Variants in FIGN observed in about 807,000 individuals in gnomAD.
FIGN encodes the protein fidgetin.
In FIGN, 11 loss-of-function variants were observed where a neutral mutation model predicts 51.3. The ratio of observed to expected loss-of-function variants is 0.21; its 90% CI spans 0.13 to 0.35. The LOEUF is 0.35. Among genes scored for constraint, FIGN ranks in the 10% least tolerant of loss-of-function variants. FIGN has a pLI of 1.00. For missense variants in FIGN, 857 were observed against 943.6 expected (o/e 0.91, Z 1.20); for synonymous variants, 407 against 363.2 (o/e 1.12, Z -1.37).
In FIGN at chr2:163,604,831, G is replaced by A. The variant is rs1691051576; in HGVS notation, c.*4721C>T. ...GAGAGAGAGAGAGAGAGAGAAGAGA[G>A]AGGAAGAGGAGAGGAGAGGGATGGA... On this transcript the variant is annotated 3_prime_UTR_variant, in exon 3 of 3. Coordinates refer to ENST00000333129, the MANE Select transcript of FIGN (RefSeq NM_018086.4). 2.0e-5 allele frequency: 3 copies of A among 150,316 alleles called. No individual in the cohort carries two copies. The highest frequency in any genetic ancestry group is 7.3e-5 in the African/African-American group (3 of 41,072). 9.3% of individuals were successfully genotyped at this position (150,316 alleles called of 1,614,324 possible).
chr2:163,635,268 G>A (rs1165596335), intron 2 of FIGN, among the ~76,000 whole-genome samples: 1 of 152,094 alleles, frequency 6.6e-6, no homozygotes, highest in Non-Finnish European at 1.5e-5. Context: ...TAAATATTAT[G>A]TTTAAAAGTC....
At chr2:163,644,502 C>G (rs1350784820) in intron 2 of FIGN, among the ~76,000 whole-genome samples, 1 of 152,142 alleles carries the variant, frequency 6.6e-6, no homozygotes, top group Admixed American at 6.5e-5. Flanking sequence ...AGTGCGGCTA[C>G]TTTGGTAAAC....
intron 2 of FIGN, among the ~76,000 whole-genome samples, chr2:163,732,351 A>AAGCTAAT (rs1173131969): frequency 3.9e-5 from 6 of 152,206 alleles, no homozygotes; most frequent in Non-Finnish European, 8.8e-5. Flanking sequence ...TTCCAAATAA[A>AAGCTAAT]AGCTAATTTG....
At chr2:163,647,346 G>T (rs931972283) in intron 2 of FIGN, among the ~76,000 whole-genome samples, 1 of 152,100 alleles carries the variant, frequency 6.6e-6, no homozygotes, top group African/African-American at 2.4e-5. Context: ...TGCAGGGAGG[G>T]TTCCTCTCTG....
At chr2:163,686,186 T>G (rs1420584485) in intron 2 of FIGN, among the ~76,000 whole-genome samples, 1 of 152,142 alleles carries the variant, frequency 6.6e-6, no homozygotes, top group African/African-American at 2.4e-5. Flanking sequence ...TTGCTACAAT[T>G]AGAAAAAGAT....
intron 2 of FIGN, among the ~76,000 whole-genome samples, chr2:163,626,215 T>C (rs954382013): frequency 2.6e-5 from 4 of 152,192 alleles, no homozygotes; most frequent in African/African-American, 9.6e-5. Context: ...CCCTTGTGAA[T>C]TGGTATAGCT....
In FIGN at chr2:163,687,187, C is replaced by T. The variant is rs188552900; in HGVS notation, c.25+47716G>A. 2.0e-4 allele frequency among the ~76,000 whole-genome samples: 30 copies of T among 152,286 alleles called. 1 individual carries two copies. The East Asian group carries it at 5.4e-3, about 27-fold the overall frequency. ...GCCATAAAACTGTGTCAGGGGATCACTAACTTCTTCTCCTGTGCCCTCCAA... is the reference window on the plus strand; with the variant it reads ...GCCATAAAACTGTGTCAGGGGATCATTAACTTCTTCTCCTGTGCCCTCCAA... On this transcript the variant is annotated intron_variant, in intron 2 of 2. Transcript: ENST00000333129.
chr2:163,686,911 G>A (rs1487772860), intron 2 of FIGN, among the ~76,000 whole-genome samples: 2 of 151,704 alleles, frequency 1.3e-5, no homozygotes, highest in African/African-American at 4.8e-5. Context: ...GCTTTGAAGG[G>A]CAGAAGACGT....
At chr2:163,617,993 T>C (rs1323088408) in intron 2 of FIGN, among the ~76,000 whole-genome samples, 2 of 152,170 alleles carry the variant, frequency 1.3e-5, no homozygotes, top group East Asian at 3.9e-4. Context: ...CCAGAATTTA[T>C]AAGTCAGTTT....
chr2:163,681,963 C>T (rs1684071754), intron 2 of FIGN, among the ~76,000 whole-genome samples: 1 of 152,144 alleles, frequency 6.6e-6, no homozygotes, highest in Non-Finnish European at 1.5e-5. Context: ...TTGGCTCACA[C>T]CGGATTGGAC....
intron 2 of FIGN, among the ~76,000 whole-genome samples, chr2:163,664,098 G>T (rs1683735523): frequency 6.6e-6 from 1 of 152,116 alleles, no homozygotes; most frequent in East Asian, 1.9e-4. Flanking sequence ...TCTATGGTAA[G>T]GGATAGGCTG....
intron 2 of FIGN, among the ~76,000 whole-genome samples, chr2:163,619,167 T>G (rs1030677116): frequency 9.9e-5 from 15 of 152,188 alleles, no homozygotes; most frequent in Admixed American, 9.2e-4. Flanking sequence ...GCTGTATGTT[T>G]GATACCACAA....
intron 2 of FIGN, among the ~76,000 whole-genome samples, chr2:163,709,242 T>C (rs1337296804): frequency 6.6e-6 from 1 of 152,110 alleles, no homozygotes; most frequent in Non-Finnish European, 1.5e-5. Context: ...AGACACTCTT[T>C]TTGAGGTGGA....
intron 2 of FIGN, among the ~76,000 whole-genome samples, chr2:163,690,349 A>G (rs1265910142): frequency 6.6e-6 from 1 of 152,182 alleles, no homozygotes. Context: ...CAAATAAAGT[A>G]TCGGTATACA....
At chr2:163,725,220 A>G (rs1207778533) in intron 2 of FIGN, among the ~76,000 whole-genome samples, 2 of 152,164 alleles carry the variant, frequency 1.3e-5, no homozygotes, top group African/African-American at 4.8e-5. Context: ...CAGATGATCA[A>G]GTAATAACCA....
chr2:163,708,912 T>C (rs1166883070), intron 2 of FIGN, among the ~76,000 whole-genome samples: 1 of 152,198 alleles, frequency 6.6e-6, no homozygotes, highest in Non-Finnish European at 1.5e-5. Context: ...AATGGTTGCA[T>C]ATAGACTATT....
intron 2 of FIGN, among the ~76,000 whole-genome samples, chr2:163,644,898 T>C (rs1046829296): frequency 1.3e-5 from 2 of 152,098 alleles, no homozygotes; most frequent in Non-Finnish European, 1.5e-5. Flanking sequence ...AACAGATTAG[T>C]AGTTTCTTAG....
In FIGN at chr2:163,735,065, C is replaced by T; in HGVS notation, c.-138G>A. On this transcript the variant is annotated 5_prime_UTR_variant, in exon 2 of 3. An upstream start codon of the reference 5' UTR is lost. Transcript: ENST00000333129. ...AACGTGGGCCCTTTCGTCAGGTATT[C>T]ATTTAACCTACATGCATATAATTAA... The T allele has an allele frequency of 1.4e-6, 1 of 707,626 alleles. No individual in the cohort carries two copies. Among genetic ancestry groups the T allele is most frequent in the Non-Finnish European group, 2.3e-6 (1 of 427,546 alleles). 43.8% of individuals were successfully genotyped at this position (707,626 alleles called of 1,614,324 possible).
chr2:163,614,907 G>GA (rs1190946584), intron 2 of FIGN, among the ~76,000 whole-genome samples: 1 of 152,030 alleles, frequency 6.6e-6, no homozygotes, highest in Admixed American at 6.6e-5. Context: ...TACAAGAGAT[G>GA]AAAAAATGAT....
Sources: allele counts gnomAD v4.1 joint callset (sites outside exome capture counted in the v4.1 genomes callset), GRCh38; gene constraint gnomAD v4.1.1; transcripts MANE v1.5; gene names NCBI Gene and HGNC (gene_info 2026-07-23, HGNC 2026-07-21).